LRRC75A: variants seen among roughly 807,000 people sequenced by gnomAD.
The protein encoded by LRRC75A is leucine-rich repeat-containing protein 75A.
LRRC75A carries 12 observed loss-of-function variants against 26.0 expected under a neutral mutation model. The ratio of observed to expected loss-of-function variants is 0.46; its 90% CI spans 0.30 to 0.75. The LOEUF (loss-of-function observed/expected upper bound fraction) is 0.75, where lower values mean the gene tolerates loss of function less well. Ranked by LOEUF, LRRC75A falls within the 30% of genes least tolerant of loss-of-function variation. The pLI, the probability that LRRC75A is intolerant of heterozygous loss-of-function variation, is 0.08. For missense variants in LRRC75A, 410 were observed against 486.6 expected, an observed-to-expected ratio of 0.84 and a Z score of 1.48; for synonymous variants, 223 against 219.3, an observed-to-expected ratio of 1.02 and a Z score of -0.15.
At chr17:16,485,954 C>A (rs1423232310) in intron 1 of LRRC75A, among the ~76,000 whole-genome samples, 1 of 152,114 alleles carries the variant, frequency 6.6e-6, no homozygotes, top group East Asian at 1.9e-4. Flanking sequence ...CAGGTTACAG[C>A]GGGGTGGGGG....
Position 16,443,828 on chromosome 17 carries a change from C to G in LRRC75A, c.795G>C (p.Trp265Cys). The change falls in exon 4 of 4, where the codon TGG (tryptophan) becomes TGC (cysteine). Residue 265 changes from tryptophan (W) to cysteine (C), a missense_variant. Transcript: ENST00000470794. ...TGTCCACGTTGTTGCCCAGGTCAATCCACGTGACATTGGGGAACTTGCTGG... is the reference window on the plus strand; with the variant it reads ...TGTCCACGTTGTTGCCCAGGTCAATGCACGTGACATTGGGGAACTTGCTGG... ...KDPSKFPNVT[W>C]IDLGNNVDIF... is the part of the protein sequence containing the mutation. The G allele has an allele frequency of 6.2e-7, 1 of 1,614,038 alleles. No individual in the cohort carries two copies. The highest frequency in any genetic ancestry group is 8.5e-7 in the Non-Finnish European group (1 of 1,179,902).
chr17:16,485,940 C>A lies in LRRC75A; in HGVS notation c.246+5805G>T, dbSNP rs114037089. Among the ~76,000 whole-genome samples the A allele has an allele frequency of 2.5e-3, 379 of 152,220 alleles. 4 individuals are homozygous for A. The highest frequency in any genetic ancestry group is 8.9e-3 in the African/African-American group (370 of 41,520). ...TGCAGGGAGGAATCATGGCTTCCAC[C>A]CCACAGGTTACAGCGGGGTGGGGGA... On this transcript the variant is annotated intron_variant, in intron 1 of 3. Coordinates refer to ENST00000470794, the MANE Select transcript of LRRC75A (RefSeq NM_001113567.3).
Position 16,442,162 on chromosome 17 carries a change from G to A in LRRC75A, c.*1426C>T, listed in dbSNP as rs2093533990. ...CCCTATTCTACAGCTTTAGACTGAA[G>A]GCAAAAGCTCAAAGCATTTAAGGCC... On this transcript the variant is annotated 3_prime_UTR_variant, in exon 4 of 4. Transcript: ENST00000470794. The A allele has an allele frequency of 6.6e-6, 1 of 152,252 alleles. No individual in the cohort carries two copies. Among genetic ancestry groups the A allele is most frequent in the Non-Finnish European group, 1.5e-5 (1 of 68,096 alleles). 9.4% of individuals were successfully genotyped at this position (152,252 alleles called of 1,614,324 possible).
intron 1 of LRRC75A, among the ~76,000 whole-genome samples, chr17:16,483,187 C>T (rs2093838582): frequency 6.6e-6 from 1 of 152,242 alleles, no homozygotes; most frequent in South Asian, 2.1e-4. Context: ...CATTACCCTC[C>T]CCAGTGCTCT....
intron 1 of LRRC75A, among the ~76,000 whole-genome samples, chr17:16,467,513 C>T (rs1317099881): frequency 6.6e-6 from 1 of 152,150 alleles, no homozygotes. Flanking sequence ...ACATGTTTCC[C>T]CCCAGGAGGA....
chr17:16,459,089 AC>A (rs1369324910), intron 2 of LRRC75A, among the ~76,000 whole-genome samples: 3 of 152,072 alleles, frequency 2.0e-5, no homozygotes, highest in Admixed American at 1.3e-4. Context: ...CCTGTCCTCA[AC>A]CCTTTACTAA....
At chr17:16,470,904 A>T (rs1335988817) in intron 1 of LRRC75A, among the ~76,000 whole-genome samples, 1 of 151,814 alleles carries the variant, frequency 6.6e-6, no homozygotes, top group Non-Finnish European at 1.5e-5. Context: ...TTCTAGGGGG[A>T]GACTTCATTC....
intron 1 of LRRC75A, among the ~76,000 whole-genome samples, chr17:16,488,238 C>T (rs555046404): frequency 6.6e-5 from 10 of 152,216 alleles, no homozygotes; most frequent in African/African-American, 1.9e-4. Context: ...GGAAGGATGG[C>T]GGCCAGGAAA....
intron 2 of LRRC75A, among the ~76,000 whole-genome samples, chr17:16,454,278 G>A (rs558113145): frequency 6.6e-6 from 1 of 152,266 alleles, no homozygotes; most frequent in South Asian, 2.1e-4. Context: ...TGTAGTCCCA[G>A]CTACTTGGTA....
chr17:16,456,225 G>T (rs1299361772), intron 2 of LRRC75A, among the ~76,000 whole-genome samples: 3 of 108,694 alleles, frequency 2.8e-5, no homozygotes, highest in Non-Finnish European at 5.8e-5. Context: ...AGAGGAGGAA[G>T]AAGAGGAGAA....
rs1348882352 is a variant in LRRC75A at position 16,447,995 on chromosome 17, T to A, written c.376-35A>T. 6 of 1,522,182 alleles carry A rather than the reference T, an allele frequency of 3.9e-6. No individual in the cohort carries two copies. In the Admixed American group the frequency reaches 1.2e-4, roughly 30 times the overall value. 94.3% of individuals were successfully genotyped at this position (1,522,182 alleles called of 1,614,324 possible). On this transcript the variant is annotated intron_variant, in intron 2 of 3. Coordinates refer to ENST00000470794, the MANE Select transcript of LRRC75A (RefSeq NM_001113567.3). ...CAACCATGGGTGGTAGGGCCCTGAG[T>A]GGCTGGGTGCACCAGTCTCAGCCCC...
chr17:16,445,158 ATTTTTTTT>A (rs766449990), intron 3 of LRRC75A, among the ~76,000 whole-genome samples: 736 of 69,716 alleles, frequency 0.011, 2 homozygotes, highest in Non-Finnish European at 0.013. Flanking sequence ...CATTTTCTGC[ATTTTTTTT>A]TTTTTTTTTT....
rs78581909 is a variant in LRRC75A at position 16,491,521 on chromosome 17, G to A, written c.246+224C>T. Among the ~76,000 whole-genome samples, 2,142 of 152,294 alleles carry A rather than the reference G, an allele frequency of 0.014. 54 individuals carry two copies. The highest frequency in any genetic ancestry group is 0.048 in the African/African-American group (2,012 of 41,568). On this transcript the variant is annotated intron_variant, in intron 1 of 3. Transcript: ENST00000470794. The surrounding 1 kb of genome is among the most constrained non-coding windows in gnomAD (Gnocchi z 5.9). The stretch of plus-strand genomic sequence containing the variant: ...GACATTATGCCAACAGGTCCCCTTC[G>A]GCGGGCCTCACCCGGCCAGCCTTCC...
At chr17:16,451,055 G>A (rs1241880577) in intron 2 of LRRC75A, among the ~76,000 whole-genome samples, 2 of 152,114 alleles carry the variant, frequency 1.3e-5, no homozygotes, top group African/African-American at 4.8e-5. Flanking sequence ...TGGGGTTGGG[G>A]CTCAAGACAG....
At position 16,491,780 on chromosome 17, in the gene LRRC75A, C is replaced by T; in HGVS notation, c.211G>A (p.Glu71Lys). 1 of 1,431,880 alleles carries T rather than the reference C, an allele frequency of 7.0e-7. No individual in the cohort carries two copies. Among genetic ancestry groups the T allele is most frequent in the Non-Finnish European group, 9.1e-7 (1 of 1,093,514 alleles). 88.7% of individuals were successfully genotyped at this position (1,431,880 alleles called of 1,614,324 possible). A position where few individuals can be genotyped will look rare whatever the true frequency, so the allele number is the denominator to read the frequency against. ...LLRMVRQGRREEAGTLLQHLR... is the reference protein window; with the variant it reads ...LLRMVRQGRRKEAGTLLQHLR... ...TGCTGCAGCAGCGTCCCCGCCTCCT[C>T]CCGCCGGCCCTGGCGCACCATCCGC... Residue 71 changes from glutamate (E) to lysine (K), a missense_variant, in exon 1 of 4, where the codon GAG becomes AAG. Transcript: ENST00000470794. The surrounding 1 kb of genome is among the most constrained non-coding windows in gnomAD (Gnocchi z 5.9).
At chr17:16,454,665 C>CG (rs1306998406) in intron 2 of LRRC75A, among the ~76,000 whole-genome samples, 2 of 151,716 alleles carry the variant, frequency 1.3e-5, no homozygotes, top group Non-Finnish European at 2.9e-5. Flanking sequence ...CACTCCAGCC[C>CG]GGGCAACAAG....
At chr17:16,488,989 T>C (rs1274709539) in intron 1 of LRRC75A, among the ~76,000 whole-genome samples, 1 of 152,092 alleles carries the variant, frequency 6.6e-6, no homozygotes, top group African/African-American at 2.4e-5. Flanking sequence ...AAGGGTGGTA[T>C]TGGACTGGAG....
chr17:16,483,794 T>C (rs974500193), intron 1 of LRRC75A, among the ~76,000 whole-genome samples: 1 of 152,112 alleles, frequency 6.6e-6, no homozygotes, highest in Non-Finnish European at 1.5e-5. Context: ...GTCCTTGCCA[T>C]CCCTCCCGGA....
Position 16,462,315 on chromosome 17 carries a change from G to A in LRRC75A, c.318C>T (p.Asp106=), listed in dbSNP as rs2093733930. 6.2e-7 allele frequency: 1 copy of A among 1,614,180 alleles called. No individual in the cohort carries two copies. Among genetic ancestry groups the A allele is most frequent in the Admixed American group, 1.7e-5 (1 of 60,020 alleles). ...YRYASFRNLV[D]PITHDLIISL... ...TGATGATGAGGTCGTGTGTGATGGG[G>A]TCCACCAGGTTCCGGAAGCTGGCGT... Residue 106 remains aspartate, a synonymous_variant, in exon 2 of 4, where the codon GAC becomes GAT. Coordinates refer to ENST00000470794, the MANE Select transcript of LRRC75A (RefSeq NM_001113567.3). This position sits in a 1 kb window ranked among gnomAD's most constrained non-coding sequence, Gnocchi z 4.6.
Sources: allele counts gnomAD v4.1 joint callset (sites outside exome capture counted in the v4.1 genomes callset), GRCh38; gene constraint gnomAD v4.1.1; non-coding constraint Gnocchi (gnomAD v3.1); transcripts MANE v1.5; gene names NCBI Gene and HGNC (gene_info 2026-07-23, HGNC 2026-07-21).